Variants in SREBF2 observed in about 807,000 individuals in gnomAD.
SREBF2 encodes sterol regulatory element binding transcription factor 2, also known as sterol regulatory element-binding protein 2.
Under a neutral mutation model 113.1 loss-of-function variants are expected in SREBF2, and 55 were observed. The observed-to-expected ratio is 0.49, with a 90% CI of 0.39 to 0.61. The LOEUF (loss-of-function observed/expected upper bound fraction) is 0.61. SREBF2 is among the 20% of genes least tolerant of loss of function. The pLI is 0.00. For missense variants in SREBF2, 1,349 were observed against 1,487.4 expected, an observed-to-expected ratio of 0.91 and a Z score of 1.53; for synonymous variants, 593 against 605.7, an observed-to-expected ratio of 0.98 and a Z score of 0.31.
chr22:41,899,750 C>A (rs921659168), intron 15 of SREBF2, among the ~76,000 whole-genome samples: 3 of 152,198 alleles, frequency 2.0e-5, no homozygotes, highest in African/African-American at 7.2e-5. Context: ...TCCAAAGTCA[C>A]CTCGCTCCAG....
chr22:41,863,988 G>A (rs916460494), intron 1 of SREBF2, among the ~76,000 whole-genome samples: 15 of 150,520 alleles, frequency 1.0e-4, no homozygotes, highest in Non-Finnish European at 1.6e-4. Context: ...GGGTTCAAGC[G>A]ATTCTCCTGC....
intron 1 of SREBF2, among the ~76,000 whole-genome samples, chr22:41,846,387 G>A (rs2076877015): frequency 1.3e-5 from 2 of 152,216 alleles, no homozygotes; most frequent in South Asian, 2.1e-4. Flanking sequence ...TCGCACTCCT[G>A]GTGGGAGGAT....
intron 10 of SREBF2, among the ~76,000 whole-genome samples, chr22:41,882,907 C>T (rs752240059): frequency 6.6e-6 from 1 of 152,200 alleles, no homozygotes; most frequent in Non-Finnish European, 1.5e-5. Context: ...AGTTTCCCAT[C>T]AGCCTGGGAA....
chr22:41,874,954 G>GT (rs1442556184), intron 5 of SREBF2, among the ~76,000 whole-genome samples: 3 of 152,058 alleles, frequency 2.0e-5, no homozygotes, highest in Non-Finnish European at 4.4e-5. Context: ...TGCTGTGGTT[G>GT]TTTTTTTCAT....
At chr22:41,890,002 A>G (rs571894814) in intron 11 of SREBF2, among the ~76,000 whole-genome samples, 51 of 151,780 alleles carry the variant, frequency 3.4e-4, no homozygotes, top group Non-Finnish European at 5.6e-4. Context: ...CAAAAGAAAG[A>G]AAGAGAGAGA....
intron 10 of SREBF2, among the ~76,000 whole-genome samples, 156 bp from the exon 11 acceptor site, chr22:41,884,686 G>T (rs1335604212): frequency 6.6e-6 from 1 of 152,162 alleles, no homozygotes; most frequent in African/African-American, 2.4e-5. Context: ...ATATCACAGA[G>T]CCTGGCATCC....
chr22:41,881,113 G>C, intron 10 of SREBF2, 121 bp downstream of exon 10: 1 of 1,345,786 alleles, frequency 7.4e-7, no homozygotes, highest in East Asian at 2.5e-5. Context: ...CTCTTTTAGA[G>C]TGGCTAGACC....
rs1000837380 is a variant in SREBF2 at position 41,866,287 on chromosome 22, A to C, written c.89-544A>C. Among the ~76,000 whole-genome samples the C allele has an allele frequency of 2.6e-5, 4 of 151,964 alleles. No homozygotes were observed. In the East Asian group the frequency reaches 5.8e-4, roughly 22 times the overall value. On this transcript the variant is annotated intron_variant, in intron 1 of 18. Coordinates refer to ENST00000361204, the MANE Select transcript of SREBF2 (RefSeq NM_004599.4). The stretch of plus-strand genomic sequence containing the variant: ...AGAGAGAGGCTGGGTGCGGTGGCTC[A>C]CACCTGTAATCCCAGCACTTTGGGA...
intron 13 of SREBF2, 95 bp from the exon 14 acceptor site, chr22:41,896,957 T>G: frequency 1.2e-6 from 1 of 834,216 alleles, no homozygotes; most frequent in Non-Finnish European, 2.0e-6. Flanking sequence ...GAAATGGCCA[T>G]TGGGTCTTAG....
chr22:41,894,577 ACCCTCCCCCACACC>A (rs1404102158), intron 12 of SREBF2, among the ~76,000 whole-genome samples: 1 of 151,392 alleles, frequency 6.6e-6, no homozygotes, highest in Non-Finnish European at 1.5e-5. Context: ...GAGACACAGC[ACCCTCCCCCACACC>A]CCCTCCCCAC....
At chr22:41,896,760 A>C (rs556431460) in intron 13 of SREBF2, among the ~76,000 whole-genome samples, 2 of 152,252 alleles carry the variant, frequency 1.3e-5, no homozygotes, top group East Asian at 3.9e-4. Flanking sequence ...TTTTGGGAGG[A>C]GATGACACTG....
chr22:41,861,130 C>G (rs2077023437), intron 1 of SREBF2, among the ~76,000 whole-genome samples: 1 of 152,198 alleles, frequency 6.6e-6, no homozygotes, highest in African/African-American at 2.4e-5. Flanking sequence ...CATGCATGTG[C>G]ATGCTTAAGT....
chr22:41,900,142 T>A, intron 15 of SREBF2, 188 bp from the exon 16 acceptor site: 1 of 1,490,168 alleles, frequency 6.7e-7, no homozygotes, highest in Non-Finnish European at 8.9e-7. Flanking sequence ...GGTGGGGCGC[T>A]AACCCTAGCT....
At chr22:41,866,572 AAATG>A (rs1452739182) in intron 1 of SREBF2, among the ~76,000 whole-genome samples, 1 of 152,128 alleles carries the variant, frequency 6.6e-6, no homozygotes, top group Non-Finnish European at 1.5e-5. Flanking sequence ...AAAAGAAAGA[AAATG>A]AGAGAAAGGG....
intron 1 of SREBF2, among the ~76,000 whole-genome samples, chr22:41,857,195 G>A (rs905078969): frequency 3.9e-5 from 6 of 152,198 alleles, no homozygotes; most frequent in Admixed American, 1.3e-4. Context: ...CGGGAGTGAA[G>A]AGGTAAATCC....
intron 1 of SREBF2, among the ~76,000 whole-genome samples, chr22:41,844,078 A>G (rs947756353): frequency 6.8e-6 from 1 of 146,096 alleles, no homozygotes; most frequent in East Asian, 2.0e-4. Flanking sequence ...ATATGTATAT[A>G]TATTTTTTAA....
At chr22:41,900,536 C>G (rs1170890041) in intron 16 of SREBF2, 38 bp downstream of exon 16, 1 of 1,603,004 alleles carries the variant, frequency 6.2e-7, no homozygotes, top group Non-Finnish European at 8.5e-7. Flanking sequence ...GGGAGGTGCT[C>G]TGCACTGGTT....
At chr22:41,898,907 G>A in intron 15 of SREBF2, 126 bp downstream of exon 15, 1 of 1,412,692 alleles carries the variant, frequency 7.1e-7, no homozygotes. Context: ...CAGGTGGGCG[G>A]CTAGAAAAGT....
intron 1 of SREBF2, among the ~76,000 whole-genome samples, chr22:41,840,102 GCACCCACCTCCA>G (rs999437015): frequency 7.9e-5 from 12 of 151,642 alleles, no homozygotes; most frequent in African/African-American, 2.9e-4. Flanking sequence ...GGGATTATAG[GCACCCACCTCCA>G]CACCCAGCTA....
Sources: allele counts gnomAD v4.1 joint callset (sites outside exome capture counted in the v4.1 genomes callset), GRCh38; gene constraint gnomAD v4.1.1; transcripts MANE v1.5; gene names NCBI Gene and HGNC (gene_info 2026-07-23, HGNC 2026-07-21).